Variants in LOC101059915 observed in about 807,000 individuals in gnomAD.
chrX:71,670,023 G>A, the LOC101059915 span, among the ~76,000 whole-genome samples: 9 of 112,566 alleles, frequency 8.0e-5, no homozygotes, highest in African/African-American at 2.9e-4. Context: ...GGGCCTGGCT[G>A]TGGCTGCCGC....
At chrX:71,669,153 C>T in the LOC101059915 span, 1 of 920,105 alleles carries the variant, frequency 1.1e-6, no homozygotes, top group East Asian at 3.6e-5. Flanking sequence ...TTGCCCATGC[C>T]CTCTCTATCC....
the LOC101059915 span, chrX:71,669,603 T>C: frequency 1.0e-6 from 1 of 966,049 alleles, no homozygotes; most frequent in Non-Finnish European, 1.3e-6. Flanking sequence ...CCGTGCGTCG[T>C]GGAGAATACA....
the LOC101059915 span, chrX:71,668,381 A>G: frequency 8.7e-7 from 1 of 1,150,334 alleles, no homozygotes; most frequent in South Asian, 2.0e-5. Context: ...GTGGATCCCC[A>G]GCAGCCCTCC....
chrX:71,668,413 A>G, the LOC101059915 span: 1 of 1,160,578 alleles, frequency 8.6e-7, no homozygotes, highest in South Asian at 1.9e-5. Flanking sequence ...CGCCGGGCTG[A>G]ATACTGACGA....
At chrX:71,670,612 T>C in the LOC101059915 span, 20 of 1,103,011 alleles carry the variant, frequency 1.8e-5, no homozygotes, top group Non-Finnish European at 2.4e-5. Context: ...CCTGGGCTAG[T>C]GCATCTTGCT....
At chrX:71,670,434 C>T in the LOC101059915 span, 1 of 1,126,699 alleles carries the variant, frequency 8.9e-7, no homozygotes, top group Non-Finnish European at 1.2e-6. Flanking sequence ...TCCCCTCTGC[C>T]TACCATACCC....
At chrX:71,668,005 G>A in the LOC101059915 span, 27 of 1,166,199 alleles carry the variant, frequency 2.3e-5, no homozygotes, top group Non-Finnish European at 3.1e-5. Flanking sequence ...CTTCAGCTTC[G>A]AGTCTGAGAG....
At chrX:71,668,163 A>T in the LOC101059915 span, 1 of 1,131,648 alleles carries the variant, frequency 8.8e-7, no homozygotes, top group Non-Finnish European at 1.2e-6. Flanking sequence ...GCGTCCAGGG[A>T]CACCCGTCCC....
At chrX:71,670,482 G>A in the LOC101059915 span, 461 of 1,080,091 alleles carry the variant, frequency 4.3e-4, 2 homozygotes, top group African/African-American at 7.7e-3. Context: ...TGAGGGTTTT[G>A]TGCCAATCCA....
the LOC101059915 span, chrX:71,668,463 T>G: frequency 2.6e-6 from 3 of 1,159,377 alleles, no homozygotes; most frequent in African/African-American, 3.6e-5. Context: ...TACCGGTGAT[T>G]AGGGTGATCA....
At chrX:71,671,104 G>A in the LOC101059915 span, 5 of 1,153,023 alleles carry the variant, frequency 4.3e-6, no homozygotes, top group Non-Finnish European at 5.8e-6. Flanking sequence ...TCCCAGGGCT[G>A]GTGGGGTTTC....
the LOC101059915 span, chrX:71,668,578 C>G: frequency 3.6e-6 from 4 of 1,112,846 alleles, no homozygotes; most frequent in East Asian, 3.3e-5. Flanking sequence ...CCTTCAGGTT[C>G]AGGGACCTCT....
chrX:71,668,170 TC>T, the LOC101059915 span: 2 of 1,129,525 alleles, frequency 1.8e-6, no homozygotes, highest in Admixed American at 6.0e-5. Context: ...GGGACACCCG[TC>T]CCCAGAAGGC....
At chrX:71,668,345 G>T in the LOC101059915 span, 67 of 1,139,243 alleles carry the variant, frequency 5.9e-5, no homozygotes, top group Admixed American at 8.5e-5. Context: ...CCAGAAAGGG[G>T]CTCGAAGAGC....
the LOC101059915 span, chrX:71,669,488 A>G: frequency 2.2e-6 from 2 of 892,399 alleles, no homozygotes; most frequent in African/African-American, 2.1e-5. Context: ...CTCCACCTTA[A>G]CACAACCCCT....
the LOC101059915 span, chrX:71,671,238 G>C: frequency 2.6e-6 from 3 of 1,165,470 alleles, no homozygotes; most frequent in South Asian, 3.8e-5. Context: ...ACAAGTTCCA[G>C]GACCTGTGAA....
At chrX:71,670,360 A>G in the LOC101059915 span, 2 of 1,162,591 alleles carry the variant, frequency 1.7e-6, no homozygotes, top group Non-Finnish European at 2.3e-6. Flanking sequence ...GCTCCTAGAA[A>G]TAGAGGTCCA....
the LOC101059915 span, chrX:71,668,345 G>A: frequency 2.6e-5 from 30 of 1,139,243 alleles, no homozygotes; most frequent in Non-Finnish European, 3.4e-5. Context: ...CCAGAAAGGG[G>A]CTCGAAGAGC....
the LOC101059915 span, chrX:71,669,172 C>T: frequency 1.1e-6 from 1 of 869,713 alleles, no homozygotes; most frequent in East Asian, 3.7e-5. Context: ...CCCTTGCTCA[C>T]AGGTTGTCAT....
Sources: allele counts gnomAD v4.1 joint callset (sites outside exome capture counted in the v4.1 genomes callset), GRCh38; gene constraint gnomAD v4.1.1; transcripts MANE v1.5.